Variants in CASD1 observed in about 807,000 individuals in gnomAD.
CASD1 encodes N-acetylneuraminate (7)9-O-acetyltransferase.
Under a neutral mutation model 100.0 loss-of-function variants are expected in CASD1, and 41 were observed. That is an observed-to-expected ratio of 0.41 (90% CI 0.32 to 0.53). The LOEUF (loss-of-function observed/expected upper bound fraction) is 0.53. CASD1 is among the 20% of genes least tolerant of loss of function. CASD1 has a pLI of 0.25. For missense variants in CASD1, 774 were observed against 948.7 expected (o/e 0.82, Z 2.42); for synonymous variants, 321 against 315.6 (o/e 1.02, Z -0.18).
chr7:94,601,307 A>G, the CASD1 span, among the ~76,000 whole-genome samples: 1 of 148,226 alleles, frequency 6.7e-6, no homozygotes, highest in Non-Finnish European at 1.5e-5. Flanking sequence ...AGAAAAAAGG[A>G]AAAAAAAAAG....
the CASD1 span, among the ~76,000 whole-genome samples, chr7:94,586,061 G>GAAAAA: frequency 3.6e-3 from 103 of 28,894 alleles, 3 homozygotes; most frequent in East Asian, 6.4e-3. Context: ...GGAACTAAAT[G>GAAAAA]AAAAAAAAAA....
the CASD1 span, among the ~76,000 whole-genome samples, chr7:94,579,008 A>C: frequency 6.6e-6 from 1 of 152,156 alleles, no homozygotes; most frequent in East Asian, 1.9e-4. Context: ...CTTTTATATT[A>C]GACATTAGGT....
the CASD1 span, among the ~76,000 whole-genome samples, chr7:94,579,663 A>C: frequency 6.6e-6 from 1 of 152,294 alleles, no homozygotes; most frequent in Non-Finnish European, 1.5e-5. Flanking sequence ...TAATTGCAAC[A>C]CACTTTAGCT....
At chr7:94,562,217 CAG>C in the CASD1 span, among the ~76,000 whole-genome samples, 3 of 152,168 alleles carry the variant, frequency 2.0e-5, no homozygotes, top group South Asian at 2.1e-4. Flanking sequence ...ATCTAGAAAA[CAG>C]GGCACTTTGG....
In CASD1 at chr7:94,535,486, T is replaced by C. The variant is rs1443210408; in HGVS notation, c.806T>C (p.Leu269Ser). The change falls in exon 8 of 18, where the codon TTG (leucine) becomes TCG (serine). Residue 269 changes from leucine to serine, a missense_variant. This residue lies in a region of CASD1 where 453 missense variants were observed against 532.6 expected (regional missense o/e 0.85). Coordinates refer to ENST00000297273, the MANE Select transcript of CASD1 (RefSeq NM_022900.5). ...GCTCAAGAAACCATCATGGAATCTT[T>C]GGATGGCTTACATCTTCCTGAATCG... ...LIAQETIMES[L>S]DGLHLPESSR... 7 of 1,613,704 alleles carry C rather than the reference T, an allele frequency of 4.3e-6. No individual in the cohort carries two copies. Among genetic ancestry groups the C allele is most frequent in the South Asian group, 1.1e-5 (1 of 91,070 alleles).
At chr7:94,525,992 A>G (rs1389761221) in intron 3 of CASD1, among the ~76,000 whole-genome samples, 1 of 152,158 alleles carries the variant, frequency 6.6e-6, no homozygotes, top group Non-Finnish European at 1.5e-5. Flanking sequence ...TATGTAGAAC[A>G]TTTGGTTACA....
At chr7:94,593,088 A>G in the CASD1 span, among the ~76,000 whole-genome samples, 1 of 152,100 alleles carries the variant, frequency 6.6e-6, no homozygotes, top group Non-Finnish European at 1.5e-5. Context: ...GAATTTTACC[A>G]TAAAGTTAGT....
the CASD1 span, among the ~76,000 whole-genome samples, chr7:94,567,743 A>C: frequency 2.6e-5 from 4 of 152,298 alleles, no homozygotes; most frequent in Admixed American, 1.3e-4. Context: ...ATAGGGAATA[A>C]ATTTAGATGG....
chr7:94,603,667 A>T, the CASD1 span, among the ~76,000 whole-genome samples: 1 of 152,152 alleles, frequency 6.6e-6, no homozygotes, highest in African/African-American at 2.4e-5. Context: ...GCTTTGGTAT[A>T]CCAGATACTC....
chr7:94,529,933 C>T (rs932243054), intron 5 of CASD1, among the ~76,000 whole-genome samples: 2 of 152,058 alleles, frequency 1.3e-5, no homozygotes, highest in Non-Finnish European at 2.9e-5. Flanking sequence ...AGCCTATAGG[C>T]ATAAAAGCAA....
the CASD1 span, chr7:94,584,950 T>C: frequency 6.5e-6 from 1 of 152,834 alleles, no homozygotes; most frequent in African/African-American, 2.4e-5. Context: ...CTGCATGAAT[T>C]GGGTGTCATC....
At chr7:94,559,590 A>G (rs1290230703), downstream of CASD1, among the ~76,000 whole-genome samples, 1 of 152,052 alleles carries the variant, frequency 6.6e-6, no homozygotes, top group African/African-American at 2.4e-5. Flanking sequence ...CAATGGCGCA[A>G]TCTCGGCTCA....
chr7:94,555,982 A>G lies in CASD1; in HGVS notation c.*224A>G. 2.4e-6 allele frequency: 1 copy of G among 413,386 alleles called. No individual in the cohort carries two copies. 25.6% of individuals were successfully genotyped at this position (413,386 alleles called of 1,614,324 possible). On this transcript the variant is annotated 3_prime_UTR_variant, in exon 18 of 18. Coordinates refer to ENST00000297273, the MANE Select transcript of CASD1 (RefSeq NM_022900.5). ...ACAAACAAACAAAAAACCAGAATGC[A>G]TTGTATAGGATTGCATGTGAAGTCT...
chr7:94,598,780 C>G, the CASD1 span: 1 of 1,605,422 alleles, frequency 6.2e-7, no homozygotes, highest in Admixed American at 1.7e-5. Flanking sequence ...CTTACTGCTG[C>G]GTTTGCATCA....
chr7:94,577,489 C>G, the CASD1 span, among the ~76,000 whole-genome samples: 1 of 152,172 alleles, frequency 6.6e-6, no homozygotes, highest in African/African-American at 2.4e-5. Flanking sequence ...AAAACTGAGA[C>G]AGGCAGTTGA....
the CASD1 span, among the ~76,000 whole-genome samples, chr7:94,581,558 T>G: frequency 6.6e-6 from 1 of 152,134 alleles, no homozygotes; most frequent in South Asian, 2.1e-4. Flanking sequence ...GGTCCCTGTG[T>G]GTGTTGTTAC....
chr7:94,576,372 G>A, the CASD1 span, among the ~76,000 whole-genome samples: 2 of 152,184 alleles, frequency 1.3e-5, no homozygotes, highest in African/African-American at 2.4e-5. Flanking sequence ...TAGCCTCTGA[G>A]CCCTTGGAAT....
At chr7:94,608,035 C>A in the CASD1 span, among the ~76,000 whole-genome samples, 1 of 152,100 alleles carries the variant, frequency 6.6e-6, no homozygotes, top group South Asian at 2.1e-4. Context: ...CCAGCATGAA[C>A]AGGTAGAACT....
At chr7:94,544,990 A>T (rs182068715) in intron 11 of CASD1, among the ~76,000 whole-genome samples, 1 of 152,112 alleles carries the variant, frequency 6.6e-6, no homozygotes, top group African/African-American at 2.4e-5. Context: ...AATTTGCCCA[A>T]GGTCACATAG....
Sources: allele counts gnomAD v4.1 joint callset (sites outside exome capture counted in the v4.1 genomes callset), GRCh38; gene constraint gnomAD v4.1.1; regional missense constraint gnomAD v4.1.1; transcripts MANE v1.5; gene names NCBI Gene and HGNC (gene_info 2026-07-23, HGNC 2026-07-21).